The following DGKB variants were observed in gnomAD, a reference collection of about 807,000 sequenced individuals.
DGKB encodes diacylglycerol kinase beta.
DGKB carries 67 observed loss-of-function variants against 114.3 expected under a neutral mutation model. The ratio of observed to expected loss-of-function variants is 0.59; its 90% CI spans 0.48 to 0.72. DGKB has a LOEUF of 0.72. DGKB is among the 30% of genes least tolerant of loss of function. The pLI, the probability that DGKB is intolerant of heterozygous loss-of-function variation, is 0.00. For missense variants in DGKB, 907 were observed against 975.2 expected (o/e 0.93, Z 0.93); for synonymous variants, 398 against 323.1 (o/e 1.23, Z -2.49).
chr7:14,285,253 C>T (rs1800692776), intron 23 of DGKB, among the ~76,000 whole-genome samples: 1 of 152,090 alleles, frequency 6.6e-6, no homozygotes, highest in Non-Finnish European at 1.5e-5. Context: ...GTGGGTGCTA[C>T]AAAGTTGAAA....
At chr7:14,433,144 C>A (rs775365302) in intron 21 of DGKB, among the ~76,000 whole-genome samples, 1 of 152,104 alleles carries the variant, frequency 6.6e-6, no homozygotes, top group Non-Finnish European at 1.5e-5. Flanking sequence ...GGGAGCACGT[C>A]GTATCTATTG....
intron 2 of DGKB, among the ~76,000 whole-genome samples, chr7:14,770,674 G>A (rs1383124469): frequency 6.6e-6 from 1 of 152,096 alleles, no homozygotes; most frequent in Non-Finnish European, 1.5e-5. Flanking sequence ...ATTGGTGATT[G>A]TGAGACAATA....
rs571721761 is a variant in DGKB, at chr7:14,578,061, G to T, written c.1609+2801C>A. Among the ~76,000 whole-genome samples, 60 of 152,288 alleles carry T rather than the reference G, an allele frequency of 3.9e-4. 1 individual carries two copies. Among genetic ancestry groups the T allele is most frequent in the African/African-American group, 1.4e-3 (59 of 41,554 alleles). On this transcript the variant is annotated intron_variant, in intron 19 of 25. Coordinates refer to ENST00000402815, the MANE Select transcript of DGKB (RefSeq NM_001350709.2). ...GGTGGGAGGTGATTAGATCATGAGGGTTGTTTCCTCCATGCAGTTCTGGTG... is the reference window on the plus strand; with the variant it reads ...GGTGGGAGGTGATTAGATCATGAGGTTTGTTTCCTCCATGCAGTTCTGGTG...
intron 25 of DGKB, among the ~76,000 whole-genome samples, chr7:14,151,812 A>G (rs1782250464): frequency 6.6e-6 from 1 of 152,134 alleles, no homozygotes; most frequent in South Asian, 2.1e-4. Flanking sequence ...GGAGGAAACT[A>G]GCATTCAGTA....
intron 21 of DGKB, among the ~76,000 whole-genome samples, chr7:14,426,919 G>A (rs1354690360): frequency 1.3e-5 from 2 of 151,936 alleles, no homozygotes; most frequent in Non-Finnish European, 1.5e-5. Flanking sequence ...CATTAGCCAG[G>A]CACGGTGGAG....
intron 23 of DGKB, among the ~76,000 whole-genome samples, chr7:14,275,021 T>G (rs1798799901): frequency 2.0e-5 from 3 of 151,912 alleles, no homozygotes; most frequent in Non-Finnish European, 4.4e-5. Context: ...TGAAATGGCC[T>G]TCTCTGTTGT....
chr7:14,839,564 G>C (rs971558812), intron 2 of DGKB, among the ~76,000 whole-genome samples: 2 of 151,730 alleles, frequency 1.3e-5, no homozygotes, highest in Non-Finnish European at 2.9e-5. Flanking sequence ...AGCCTGCTGG[G>C]CTAATTTTTT....
At chr7:14,729,333 A>G (rs61403997) in intron 5 of DGKB, among the ~76,000 whole-genome samples, 4,256 of 151,824 alleles carry the variant, frequency 0.028, 193 homozygotes, top group African/African-American at 0.098. Context: ...CGTGTTAGCC[A>G]GGATGGTCTC....
At chr7:14,540,003 T>C (rs1414817384) in intron 20 of DGKB, among the ~76,000 whole-genome samples, 1 of 152,066 alleles carries the variant, frequency 6.6e-6, no homozygotes, top group Non-Finnish European at 1.5e-5. Flanking sequence ...GTTTTTCTCA[T>C]TTATATACTA....
chr7:14,579,469 A>T (rs943366546), intron 19 of DGKB, among the ~76,000 whole-genome samples: 3 of 152,196 alleles, frequency 2.0e-5, no homozygotes, highest in African/African-American at 7.2e-5. Context: ...ATATACATCA[A>T]ATATATGTTC....
chr7:14,295,143 G>C (rs1165428861), intron 23 of DGKB, among the ~76,000 whole-genome samples: 3 of 152,004 alleles, frequency 2.0e-5, no homozygotes, highest in South Asian at 2.1e-4. Context: ...CACATAGTAG[G>C]TTCTCTATCG....
chr7:14,574,459 G>A (rs1338607022), intron 19 of DGKB, 87 bp from the exon 20 acceptor site: 2 of 1,070,238 alleles, frequency 1.9e-6, no homozygotes, highest in Non-Finnish European at 1.4e-6. Flanking sequence ...TTATGCATAT[G>A]TAATATTCTA....
At chr7:14,723,050 TA>T (rs1829461628) in intron 5 of DGKB, among the ~76,000 whole-genome samples, 1 of 151,904 alleles carries the variant, frequency 6.6e-6, no homozygotes, top group Non-Finnish European at 1.5e-5. Context: ...GCCCTTTCCC[TA>T]AATCTGGCTG....
At chr7:14,368,164 T>C (rs1817010317) in intron 21 of DGKB, among the ~76,000 whole-genome samples, 1 of 150,308 alleles carries the variant, frequency 6.7e-6, no homozygotes, top group Non-Finnish European at 1.5e-5. Context: ...CCCCCCACCA[T>C]CAAAACCTTA....
intron 21 of DGKB, among the ~76,000 whole-genome samples, chr7:14,444,585 G>A (rs196762): frequency 0.18 from 26,710 of 151,674 alleles, 3,094 homozygotes; most frequent in East Asian, 0.32. Flanking sequence ...AGCATTAAAT[G>A]CTAAAATATA....
At chr7:14,581,075 A>C (rs1799862043) in intron 18 of DGKB, 124 bp from the exon 19 acceptor site, 2 of 536,168 alleles carry the variant, frequency 3.7e-6, no homozygotes, top group South Asian at 3.3e-5. Context: ...ACAAAACATA[A>C]TTGTAGTTTT....
In DGKB at chr7:14,391,218, T is replaced by G. The variant is rs969207623; in HGVS notation, c.1836-45827A>C. Reference sequence around the variant, plus strand: ...ACTATTTTTGCATGGAAATGTAGAATTTTATCTATTTTGGTTTTTGCTGTA... The same window carrying G: ...ACTATTTTTGCATGGAAATGTAGAAGTTTATCTATTTTGGTTTTTGCTGTA... On this transcript the variant is annotated intron_variant, in intron 21 of 25. Transcript: ENST00000402815. Among the ~76,000 whole-genome samples the G allele has an allele frequency of 3.9e-5, 6 of 152,356 alleles. No homozygotes were observed. The South Asian group carries it at 6.2e-4, about 16-fold the overall frequency.
At chr7:14,410,476 T>C (rs1176009103) in intron 21 of DGKB, among the ~76,000 whole-genome samples, 2 of 152,096 alleles carry the variant, frequency 1.3e-5, no homozygotes, top group Non-Finnish European at 2.9e-5. Flanking sequence ...CATTCACTTA[T>C]ATAACCAAAC....
At chr7:14,966,759 C>T (rs1392430934) in intron 1 of DGKB, among the ~76,000 whole-genome samples, 2 of 152,006 alleles carry the variant, frequency 1.3e-5, no homozygotes, top group African/African-American at 2.4e-5. Context: ...AATTTTCTTT[C>T]CTTTTTTTGT....
Sources: allele counts gnomAD v4.1 joint callset (sites outside exome capture counted in the v4.1 genomes callset), GRCh38; gene constraint gnomAD v4.1.1; transcripts MANE v1.5; gene names NCBI Gene and HGNC (gene_info 2026-07-23, HGNC 2026-07-21).